The following ADGRF3 variants were observed in gnomAD, a reference collection of about 807,000 sequenced individuals.
The protein encoded by ADGRF3 is adhesion G protein-coupled receptor F3, also known as G protein-coupled receptor 113.
A neutral mutation model predicts 93.2 loss-of-function variants in ADGRF3; 85 were observed. The ratio of observed to expected loss-of-function variants is 0.91; its 90% confidence interval spans 0.77 to 1.09. ADGRF3 has a LOEUF of 1.09. ADGRF3 is among the 50% of genes least tolerant of loss of function. The pLI is 0.00. For missense variants in ADGRF3, 1,125 were observed against 1,246.2 expected (o/e 0.90, Z 1.46); for synonymous variants, 534 against 532.5 (o/e 1.00, Z -0.04).
rs1674111947 is a variant in ADGRF3, at chr2:26,311,397, G to A, written c.2127C>T (p.Gly709=). 3.7e-6 allele frequency: 6 copies of A among 1,614,002 alleles called. No homozygotes were observed. Among genetic ancestry groups the A allele is most frequent in the South Asian group, 2.2e-5 (2 of 91,076 alleles). ...EPALALLTQV[G]LGASILALLV... ...GCAGCGCCAGTATGGAAGCTCCCAAGCCCACTTGAGTCAGCAGCGCCAGAG... is the reference window on the plus strand; with the variant it reads ...GCAGCGCCAGTATGGAAGCTCCCAAACCCACTTGAGTCAGCAGCGCCAGAG... Residue 709 remains glycine (G), a synonymous_variant, in exon 10 of 14, where the codon GGC becomes GGT. Transcript: ENST00000651242.
rs188414540 is a variant in ADGRF3 at position 26,313,593 on chromosome 2, C to T, written c.1073-20G>A. On this transcript the variant is annotated intron_variant, in intron 7 of 13. Coordinates refer to ENST00000651242, the MANE Select transcript of ADGRF3 (RefSeq NM_001321971.2). The stretch of plus-strand genomic sequence containing the variant: ...CTCCATCTGAAGAATGACGAGCAGG[C>T]GCTACTCAGCAATCACAGCCTCACC... 3.1e-3 allele frequency: 5,006 copies of T among 1,591,754 alleles called. 22 individuals carry two copies. The highest frequency in any genetic ancestry group is 3.9e-3 in the Non-Finnish European group (4,577 of 1,171,024).
chr2:26,320,232 C>T (rs1675070957), intron 1 of ADGRF3, among the ~76,000 whole-genome samples: 1 of 152,216 alleles, frequency 6.6e-6, no homozygotes, highest in Non-Finnish European at 1.5e-5. Flanking sequence ...CACGGTGGCT[C>T]ACACCTGTAA....
In ADGRF3 at chr2:26,314,335, G is replaced by A. The variant is rs574244212; in HGVS notation, c.928+79C>T. On this transcript the variant is annotated intron_variant, in intron 6 of 13. Coordinates refer to ENST00000651242, the MANE Select transcript of ADGRF3 (RefSeq NM_001321971.2). ...TTGAACTGTGGCCTCTGTTTCTCAT[G>A]AGCTGAAGACCCAGCTGCCTGGAAG... 23 of 1,344,310 alleles carry A rather than the reference G, an allele frequency of 1.7e-5. No homozygotes were observed. In the African/African-American group the frequency reaches 2.9e-4, roughly 17 times the overall value. 83.3% of individuals were successfully genotyped at this position (1,344,310 alleles called of 1,614,324 possible).
chr2:26,310,050 A>T lies in ADGRF3; in HGVS notation c.2930T>A (p.Ile977Asn), dbSNP rs766258115. The change falls in exon 12 of 14, where the codon ATC becomes AAC. Residue 977 changes from isoleucine (I) to asparagine (N), a missense_variant. Ile to Asn is a moderately radical substitution (Grantham distance 149). Transcript: ENST00000651242. ...FCRAQAPSST[I>N]SLATNEGCIL... ...CTGAAGGCAGCAACTCACCAGGGAG[A>T]TGGTGGAGCTGGGGGCTTGGGCGCG... 14 of 1,613,850 alleles carry T rather than the reference A, an allele frequency of 8.7e-6. No individual in the cohort carries two copies. Among genetic ancestry groups the T allele is most frequent in the Non-Finnish European group, 1.2e-5 (14 of 1,179,890 alleles).
At chr2:26,346,003 G>T in intron 1 of ADGRF3, 118 bp downstream of exon 1, 1 of 1,091,260 alleles carries the variant, frequency 9.2e-7, no homozygotes. Flanking sequence ...GCTCGAGCGG[G>T]CTAGCAACCC....
rs1372685300 is a variant in ADGRF3 at position 26,309,028 on chromosome 2, T to G, written c.*58A>C. 6.8e-6 allele frequency: 11 copies of G among 1,613,266 alleles called. No individual in the cohort carries two copies. The East Asian group carries it at 2.2e-4, about 33-fold the overall frequency. ...TCAGAGCATTGGGCCAGGGCTCATC[T>G]GGTGGGTTCAAGCACACAGCCTCAA... On this transcript the variant is annotated 3_prime_UTR_variant, in exon 14 of 14. Transcript: ENST00000651242.
Position 26,313,052 on chromosome 2 carries a change from G to A in ADGRF3, c.1340C>T (p.Ala447Val), listed in dbSNP as rs770512686. Reference protein sequence around the residue: ...PQILAQLPGQAAEASSPSDLL... With the variant: ...PQILAQLPGQVAEASSPSDLL... ...GTCGGAGGGTGAACTTGCCTCTGCC[G>A]CCTGCCCTGGCAGCTGTGCCAGGAT... is the stretch of plus-strand genomic sequence containing the variant. Residue 447 changes from alanine (A) to valine (V), a missense_variant, in exon 9 of 14, where the codon GCG becomes GTG. Ala to Val is a moderately conservative substitution (Grantham distance 64). Transcript: ENST00000651242. 11 of 1,613,904 alleles carry A rather than the reference G, an allele frequency of 6.8e-6. No individual in the cohort carries two copies. The highest frequency in any genetic ancestry group is 9.3e-6 in the Non-Finnish European group (11 of 1,179,902).
At chr2:26,332,087 C>T (rs375682227) in intron 1 of ADGRF3, among the ~76,000 whole-genome samples, 4 of 152,166 alleles carry the variant, frequency 2.6e-5, no homozygotes, top group African/African-American at 7.2e-5. Context: ...TGATAACATG[C>T]GTCTTTGACA....
intron 1 of ADGRF3, among the ~76,000 whole-genome samples, chr2:26,337,304 C>T (rs1472013943): frequency 1.3e-5 from 2 of 152,188 alleles, no homozygotes; most frequent in Admixed American, 1.3e-4. Flanking sequence ...TTTACCTAGG[C>T]CGACAAAGGC....
At chr2:26,335,580 C>T (rs775579376) in intron 1 of ADGRF3, among the ~76,000 whole-genome samples, 37 of 151,950 alleles carry the variant, frequency 2.4e-4, no homozygotes, top group Non-Finnish European at 5.0e-4. Flanking sequence ...GGAGCTGTAC[C>T]ATTTTACATT....
intron 1 of ADGRF3, among the ~76,000 whole-genome samples, chr2:26,345,427 G>C (rs1676655545): frequency 6.6e-6 from 1 of 152,094 alleles, no homozygotes; most frequent in South Asian, 2.1e-4. Flanking sequence ...TCTTAATTTG[G>C]AACGGTTTGA....
At chr2:26,323,350 A>G (rs1675263541) in intron 1 of ADGRF3, among the ~76,000 whole-genome samples, 1 of 152,058 alleles carries the variant, frequency 6.6e-6, no homozygotes, top group Admixed American at 6.6e-5. Context: ...CAATATACAT[A>G]ATGATTTTTG....
At chr2:26,337,224 C>T (rs1676106631) in intron 1 of ADGRF3, among the ~76,000 whole-genome samples, 2 of 152,320 alleles carry the variant, frequency 1.3e-5, no homozygotes, top group East Asian at 1.9e-4. Flanking sequence ...ATTTCTCCTT[C>T]GTGACTCTGC....
intron 1 of ADGRF3, among the ~76,000 whole-genome samples, chr2:26,329,015 T>C (rs1047735242): frequency 6.6e-6 from 1 of 152,212 alleles, no homozygotes; most frequent in East Asian, 1.9e-4. Context: ...ATTATGAATA[T>C]TGAGAGGGAT....
At position 26,313,553 on chromosome 2, in the gene ADGRF3, C is replaced by T; in HGVS notation, c.1093G>A (p.Glu365Lys). ...TTCCAGGTGAGCACCGAGGCGTCCT[C>T]AGGGCAGGTGATGTCTCCATCTGAA... ...IIQDGDITCP[E>K]DASVLTWNVT... Residue 365 changes from glutamate to lysine, a missense_variant, in exon 8 of 14, where the codon GAG becomes AAG. By Grantham distance (56) the Glu-to-Lys change is moderately conservative. Transcript: ENST00000651242. The T allele has an allele frequency of 6.2e-7, 1 of 1,607,760 alleles. No individual in the cohort carries two copies. The highest frequency in any genetic ancestry group is 8.5e-7 in the Non-Finnish European group (1 of 1,178,676).
chr2:26,315,957 C>A (rs185085772), intron 4 of ADGRF3, among the ~76,000 whole-genome samples: 24 of 151,964 alleles, frequency 1.6e-4, no homozygotes, highest in Admixed American at 1.2e-3. Flanking sequence ...AAAGAGGGAA[C>A]CTTTTTGGTC....
At chr2:26,331,969 C>T (rs1343699261) in intron 1 of ADGRF3, among the ~76,000 whole-genome samples, 1 of 151,968 alleles carries the variant, frequency 6.6e-6, no homozygotes, top group African/African-American at 2.4e-5. Context: ...TCCCTTATTT[C>T]CCTGTTTTGA....
At chr2:26,334,954 C>CAT (rs201755722) in intron 1 of ADGRF3, among the ~76,000 whole-genome samples, 1,948 of 152,224 alleles carry the variant, frequency 0.013, 36 homozygotes, top group African/African-American at 0.043. Flanking sequence ...TTAGTTGTAA[C>CAT]AGGTATGCAT....
intron 1 of ADGRF3, among the ~76,000 whole-genome samples, chr2:26,328,072 A>G (rs1253198303): frequency 6.6e-6 from 1 of 152,210 alleles, no homozygotes; most frequent in Non-Finnish European, 1.5e-5. Flanking sequence ...CAACCACTTC[A>G]TCTTTCTAGA....
Sources: allele counts gnomAD v4.1 joint callset (sites outside exome capture counted in the v4.1 genomes callset), GRCh38; gene constraint gnomAD v4.1.1; transcripts MANE v1.5; gene names NCBI Gene and HGNC (gene_info 2026-07-23, HGNC 2026-07-21).